SV2C: variants seen among roughly 807,000 people sequenced by gnomAD.
The protein encoded by SV2C is solute carrier family 22 member B3.
Under a neutral mutation model 79.7 loss-of-function variants are expected in SV2C, and 49 were observed. The observed-to-expected ratio is 0.61, with a 90% CI of 0.49 to 0.78. SV2C has a LOEUF of 0.78. Among genes scored for constraint, SV2C ranks in the 30% least tolerant of loss-of-function variants. The probability of loss-of-function intolerance (pLI) is 0.00; values close to 1 mark genes in which losing one functional copy is unlikely to be tolerated. For synonymous variants in SV2C, 334 were observed against 333.2 expected, an observed-to-expected ratio of 1.00 and a Z score of -0.03; for missense variants, 833 against 912.9, an observed-to-expected ratio of 0.91 and a Z score of 1.13.
At chr5:76,094,548 A>G (rs1279827005) in intron 1 of SV2C, among the ~76,000 whole-genome samples, 1 of 152,140 alleles carries the variant, frequency 6.6e-6, no homozygotes, top group Non-Finnish European at 1.5e-5. Context: ...ATATACCACA[A>G]TTTGTTTCTC....
chr5:75,985,664 G>A, the SV2C span, among the ~76,000 whole-genome samples: 4 of 151,714 alleles, frequency 2.6e-5, no homozygotes, highest in Non-Finnish European at 4.4e-5. Context: ...GTAGTCTTTT[G>A]TTACTAAGTA....
At chr5:75,978,623 T>C in the SV2C span, among the ~76,000 whole-genome samples, 1 of 152,194 alleles carries the variant, frequency 6.6e-6, no homozygotes, top group Admixed American at 6.5e-5. Flanking sequence ...AATTTAAATA[T>C]ATTATTGTTT....
chr5:76,348,722 T>C (rs900523549), intron 12 of SV2C, among the ~76,000 whole-genome samples: 7 of 152,162 alleles, frequency 4.6e-5, no homozygotes, highest in African/African-American at 1.7e-4. Flanking sequence ...GAACATGGGC[T>C]GGGCATGGTG....
At chr5:76,073,544 T>C in the SV2C span, among the ~76,000 whole-genome samples, 428 of 121,038 alleles carry the variant, frequency 3.5e-3, 7 homozygotes, top group Middle Eastern at 0.014. Flanking sequence ...TATATATATA[T>C]ACACCATGGA....
intron 2 of SV2C, among the ~76,000 whole-genome samples, chr5:76,150,260 T>C (rs4277896): frequency 0.41 from 62,383 of 151,020 alleles, 13,448 homozygotes; most frequent in Middle Eastern, 0.51. Context: ...AACCTGCAAC[T>C]TCTGCCTCTC....
intron 2 of SV2C, among the ~76,000 whole-genome samples, chr5:76,179,379 G>A: frequency 6.6e-6 from 1 of 152,154 alleles, no homozygotes; most frequent in East Asian, 1.9e-4. Context: ...ATTCAGCATT[G>A]TTTTTTGCTT....
At chr5:76,139,141 T>C (rs1749169467) in intron 2 of SV2C, among the ~76,000 whole-genome samples, 1 of 152,002 alleles carries the variant, frequency 6.6e-6, no homozygotes, top group Admixed American at 6.6e-5. Flanking sequence ...GAATGTATTA[T>C]TTTGAATTGA....
chr5:75,975,970 A>T, the SV2C span, among the ~76,000 whole-genome samples: 1 of 151,824 alleles, frequency 6.6e-6, no homozygotes, highest in East Asian at 1.9e-4. Flanking sequence ...CAAGTCATTA[A>T]CTTAAATCCA....
intron 4 of SV2C, among the ~76,000 whole-genome samples, chr5:76,254,190 GTA>G (rs1166013683): frequency 8.5e-4 from 123 of 145,452 alleles, no homozygotes; most frequent in Non-Finnish European, 1.5e-3. Flanking sequence ...ATGTGTGTGT[GTA>G]TATATATATG....
At position 76,331,342 on chromosome 5, in the gene SV2C, T is replaced by C. The variant is rs1749179879; in HGVS notation, c.*5795T>C. The C allele has an allele frequency of 6.6e-6, 1 of 152,258 alleles. No individual in the cohort carries two copies. 9.4% of individuals were successfully genotyped at this position (152,258 alleles called of 1,614,324 possible). ...GGTGTTTCCTTTCTGATTTTGAAGA[T>C]TTGTGGGTGAGTCAATTATCTTTGC... is the stretch of plus-strand genomic sequence containing the variant. On this transcript the variant is annotated 3_prime_UTR_variant, in exon 13 of 13. Transcript: ENST00000502798.
the SV2C span, among the ~76,000 whole-genome samples, chr5:76,028,356 C>T: frequency 6.6e-6 from 1 of 152,072 alleles, no homozygotes; most frequent in South Asian, 2.1e-4. Flanking sequence ...TGGAAGTCCA[C>T]AATATTTTGT....
intron 2 of SV2C, among the ~76,000 whole-genome samples, chr5:76,165,519 C>A (rs1029945694): frequency 2.0e-5 from 3 of 152,154 alleles, no homozygotes; most frequent in Non-Finnish European, 4.4e-5. Flanking sequence ...TCAACCCTAA[C>A]CCCTGGCAAC....
At chr5:75,929,918 G>C in the SV2C span, among the ~76,000 whole-genome samples, 1 of 152,014 alleles carries the variant, frequency 6.6e-6, no homozygotes, top group Admixed American at 6.6e-5. Context: ...ATATACATTT[G>C]GATAATTATC....
intron 9 of SV2C, among the ~76,000 whole-genome samples, chr5:76,297,204 G>C (rs1441080586): frequency 6.6e-6 from 1 of 151,988 alleles, no homozygotes; most frequent in Non-Finnish European, 1.5e-5. Context: ...TGTCCTTCAG[G>C]AAAATTTGAA....
At chr5:75,912,787 T>C in the SV2C span, among the ~76,000 whole-genome samples, 1 of 152,200 alleles carries the variant, frequency 6.6e-6, no homozygotes, top group Non-Finnish European at 1.5e-5. Context: ...GGTGATTGTT[T>C]TAAAGTCTTC....
At chr5:76,009,430 A>G in the SV2C span, among the ~76,000 whole-genome samples, 449 of 152,344 alleles carry the variant, frequency 2.9e-3, 3 homozygotes, top group African/African-American at 0.01. Context: ...AGAAGAAAAC[A>G]AATAGTTCTA....
At chr5:76,085,826 T>TACAC (rs34074817) in intron 1 of SV2C, among the ~76,000 whole-genome samples, 9,646 of 141,896 alleles carry the variant, frequency 0.068, 989 homozygotes, top group African/African-American at 0.23. Context: ...ACAAAGCCCC[T>TACAC]ACACACACAC....
intron 1 of SV2C, among the ~76,000 whole-genome samples, chr5:76,100,132 A>G (rs941596930): frequency 6.6e-6 from 1 of 152,224 alleles, no homozygotes; most frequent in African/African-American, 2.4e-5. Context: ...GCTTTAGAGA[A>G]ATCATGACCT....
At chr5:76,203,904 G>A (rs1265695026) in intron 3 of SV2C, among the ~76,000 whole-genome samples, 1 of 152,154 alleles carries the variant, frequency 6.6e-6, no homozygotes, top group Admixed American at 6.5e-5. Flanking sequence ...GGAAATTCTT[G>A]TTCTTGATTT....
Sources: gnomAD v4.1 joint callset for allele counts (sites outside exome capture counted in the v4.1 genomes callset) on GRCh38, gnomAD v4.1.1 for gene constraint, MANE v1.5 for transcripts, NCBI Gene and HGNC (gene_info 2026-07-23, HGNC 2026-07-21) for gene names.